Variants in NBEA observed in about 807,000 individuals in gnomAD.
NBEA encodes lysosomal-trafficking regulator 2.
A neutral mutation model predicts 343.4 loss-of-function variants in NBEA; 44 were observed. That is an observed-to-expected ratio of 0.13 (90% confidence interval 0.10 to 0.16). NBEA has a LOEUF of 0.16. NBEA is among the 10% of genes least tolerant of loss of function. The pLI, the probability that NBEA is intolerant of heterozygous loss-of-function variation, is 1.00. For missense variants in NBEA, 2,555 were observed against 3,631.3 expected (o/e 0.70, Z 7.62); for synonymous variants, 1,175 against 1,238.7 (o/e 0.95, Z 1.08).
Position 35,445,799 on chromosome 13 carries a change from T to C in NBEA, c.6305-6293T>C, listed in dbSNP as rs966541803. Among the ~76,000 whole-genome samples the C allele has an allele frequency of 1.3e-3, 110 of 84,306 alleles. 2 individuals are homozygous for C. Among genetic ancestry groups the C allele is most frequent in the South Asian group, 5.3e-3 (17 of 3,232 alleles). The allele number at this position is 84,306 out of a possible 152,430, so 55.3% of individuals were successfully genotyped here. A position where few individuals can be genotyped will look rare whatever the true frequency, so the allele number is the denominator to read the frequency against. ...ATAAATGTTTATATATATATATATA[T>C]ATATATATATATATATATGTATATA... On this transcript the variant is annotated intron_variant, in intron 39 of 58. Transcript: ENST00000379939.
intron 39 of NBEA, among the ~76,000 whole-genome samples, chr13:35,441,845 A>G (rs982046653): frequency 7.9e-5 from 12 of 151,780 alleles, no homozygotes; most frequent in Admixed American, 2.0e-4. Flanking sequence ...AAAAAAAAAA[A>G]AAGAAGACAC....
At chr13:35,201,253 C>T (rs1333607779) in intron 31 of NBEA, among the ~76,000 whole-genome samples, 3 of 151,976 alleles carry the variant, frequency 2.0e-5, no homozygotes, top group African/African-American at 7.2e-5. Flanking sequence ...TTTGTGTCTC[C>T]TGGCATTTAT....
At chr13:35,600,709 A>G (rs1303817404) in intron 47 of NBEA, among the ~76,000 whole-genome samples, 2 of 152,204 alleles carry the variant, frequency 1.3e-5, no homozygotes, top group African/African-American at 4.8e-5. Flanking sequence ...CAAAAGGTTA[A>G]GAAACCTGCC....
intron 40 of NBEA, among the ~76,000 whole-genome samples, chr13:35,470,739 CGGA>C (rs2075605695): frequency 6.6e-6 from 1 of 152,198 alleles, no homozygotes; most frequent in Non-Finnish European, 1.5e-5. Flanking sequence ...TTGGGGGATT[CGGA>C]GGAGGGCGCG....
chr13:35,409,113 G>C (rs993317408), intron 38 of NBEA, among the ~76,000 whole-genome samples: 2 of 152,182 alleles, frequency 1.3e-5, no homozygotes, highest in African/African-American at 4.8e-5. Flanking sequence ...ATCAATGATA[G>C]CCTGGATAAA....
intron 36 of NBEA, among the ~76,000 whole-genome samples, chr13:35,312,745 T>C (rs919973453): frequency 7.2e-5 from 11 of 152,174 alleles, no homozygotes; most frequent in African/African-American, 2.7e-4. Flanking sequence ...GCTAATATAT[T>C]GGATGGAAGA....
intron 48 of NBEA, among the ~76,000 whole-genome samples, chr13:35,609,642 T>C (rs2153053718): frequency 6.6e-6 from 1 of 152,326 alleles, no homozygotes; most frequent in Admixed American, 6.5e-5. Context: ...TATAGTTATT[T>C]AAGCAGAGAC....
intron 2 of NBEA, among the ~76,000 whole-genome samples, chr13:35,042,630 A>C (rs1437188768): frequency 6.6e-6 from 1 of 151,868 alleles, no homozygotes; most frequent in African/African-American, 2.4e-5. Flanking sequence ...ATATCTTGAC[A>C]TTGCTGTTAC....
At chr13:35,389,209 A>G (rs1031700449) in intron 38 of NBEA, among the ~76,000 whole-genome samples, 5 of 152,142 alleles carry the variant, frequency 3.3e-5, no homozygotes, top group African/African-American at 7.2e-5. Flanking sequence ...CCGTAATTGT[A>G]TCAGCCTGTG....
chr13:35,482,176 G>A (rs557990936), intron 41 of NBEA, among the ~76,000 whole-genome samples: 1 of 151,292 alleles, frequency 6.6e-6, no homozygotes, highest in South Asian at 2.1e-4. Flanking sequence ...TTTTTTTAAT[G>A]ATTAGTAACT....
chr13:35,135,983 C>T (rs906722996), intron 17 of NBEA, among the ~76,000 whole-genome samples: 11 of 151,228 alleles, frequency 7.3e-5, no homozygotes, highest in African/African-American at 2.4e-4. Context: ...GAATTGTGGA[C>T]TTCCAGATCA....
intron 35 of NBEA, among the ~76,000 whole-genome samples, chr13:35,296,072 A>G (rs2036108577): frequency 6.6e-6 from 1 of 152,204 alleles, no homozygotes; most frequent in Admixed American, 6.5e-5. Flanking sequence ...TGAATAAACA[A>G]AAAGTTCTGA....
Position 35,664,938 on chromosome 13 carries a change from G to A in NBEA, c.8363-147G>A, listed in dbSNP as rs1258628944. On this transcript the variant is annotated intron_variant, in intron 55 of 58. Coordinates refer to ENST00000379939, the MANE Select transcript of NBEA (RefSeq NM_001385012.1). ...GCGCATTTCACAAAAGAGGAGAGCA[G>A]AGAGGTTAAGTAACTGGCTCATGGT... 10 of 608,182 alleles carry A rather than the reference G, an allele frequency of 1.6e-5. 1 individual carries two copies. The highest frequency in any genetic ancestry group is 9.2e-5 in the African/African-American group (5 of 54,608). 37.7% of individuals were successfully genotyped at this position (608,182 alleles called of 1,614,324 possible).
chr13:35,497,712 A>G (rs572113807), intron 41 of NBEA, among the ~76,000 whole-genome samples: 27 of 152,156 alleles, frequency 1.8e-4, no homozygotes, highest in African/African-American at 6.5e-4. Context: ...TCTTTTAATG[A>G]TAGGCAAATG....
chr13:35,407,876 G>A (rs957251166), intron 38 of NBEA, among the ~76,000 whole-genome samples: 19 of 151,948 alleles, frequency 1.3e-4, no homozygotes, highest in African/African-American at 2.4e-5. Context: ...ACAAATAATT[G>A]GAAAAACATT....
Position 35,378,952 on chromosome 13 carries a change from A to G in NBEA, c.6179+26629A>G, listed in dbSNP as rs531854535. On this transcript the variant is annotated intron_variant, in intron 38 of 58. Transcript: ENST00000379939. ...GCCCAATATTACATTTGTGACATTCATTGATATTATTTCATACAGTTTATT... is the reference window on the plus strand; with the variant it reads ...GCCCAATATTACATTTGTGACATTCGTTGATATTATTTCATACAGTTTATT... Among the ~76,000 whole-genome samples, 17 of 152,236 alleles carry G rather than the reference A, an allele frequency of 1.1e-4. No homozygotes were observed. In the South Asian group the frequency reaches 3.3e-3, roughly 30 times the overall value.
At chr13:35,483,397 A>T (rs2076191941) in intron 41 of NBEA, among the ~76,000 whole-genome samples, 1 of 151,990 alleles carries the variant, frequency 6.6e-6, no homozygotes, top group South Asian at 2.1e-4. Flanking sequence ...TCAGTAAATT[A>T]ACCTTCCCTT....
intron 8 of NBEA, among the ~76,000 whole-genome samples, chr13:35,063,893 G>A (rs2063553088): frequency 6.6e-6 from 1 of 152,004 alleles, no homozygotes; most frequent in Non-Finnish European, 1.5e-5. Flanking sequence ...CATGGGGTAA[G>A]GGAGCAAGAG....
chr13:35,415,290 A>C (rs1017922900), intron 38 of NBEA, among the ~76,000 whole-genome samples: 1 of 152,112 alleles, frequency 6.6e-6, no homozygotes, highest in African/African-American at 2.4e-5. Context: ...TTGGTGTTTT[A>C]GTCATGAAGT....
Sources: allele counts gnomAD v4.1 joint callset (sites outside exome capture counted in the v4.1 genomes callset), GRCh38; gene constraint gnomAD v4.1.1; transcripts MANE v1.5; gene names NCBI Gene and HGNC (gene_info 2026-07-23, HGNC 2026-07-21).